The following GALNT13 variants were observed in gnomAD, a reference collection of about 807,000 sequenced individuals.
GALNT13 encodes UDP-GalNAc:polypeptide N-acetylgalactosaminyltransferase 13.
Under a neutral mutation model 64.2 loss-of-function variants are expected in GALNT13, and 28 were observed. The ratio of observed to expected loss-of-function variants is 0.44; its 90% confidence interval spans 0.32 to 0.60. GALNT13 has a LOEUF of 0.60. Ranked by LOEUF, GALNT13 falls within the 20% of genes least tolerant of loss-of-function variation. GALNT13 has a pLI of 0.05. For synonymous variants in GALNT13, 214 were observed against 224.6 expected (o/e 0.95, Z 0.42); for missense variants, 577 against 669.8 (o/e 0.86, Z 1.53).
intron 8 of GALNT13, among the ~76,000 whole-genome samples, chr2:154,292,496 A>C (rs1042043909): frequency 1.3e-5 from 2 of 152,168 alleles, no homozygotes; most frequent in Admixed American, 1.3e-4. Flanking sequence ...CTTAATCCTC[A>C]TAACAATATT....
At chr2:153,177,793 T>C in the GALNT13 span, among the ~76,000 whole-genome samples, 1 of 152,136 alleles carries the variant, frequency 6.6e-6, no homozygotes, top group African/African-American at 2.4e-5. Context: ...TTGATTACAC[T>C]GTATAATTTA....
chr2:154,338,867 T>G (rs1171002036), intron 9 of GALNT13, among the ~76,000 whole-genome samples: 1 of 152,050 alleles, frequency 6.6e-6, no homozygotes, highest in Non-Finnish European at 1.5e-5. Flanking sequence ...TTGTCTACTA[T>G]ATCTAGGAAT....
the GALNT13 span, among the ~76,000 whole-genome samples, chr2:153,239,076 GTATTT>G: frequency 3.5e-4 from 53 of 151,752 alleles, no homozygotes; most frequent in African/African-American, 1.2e-3. Flanking sequence ...TTATTCCTAG[GTATTT>G]TATTTTATTT....
At chr2:154,065,462 A>G (rs10181158) in intron 3 of GALNT13, among the ~76,000 whole-genome samples, 57,162 of 152,048 alleles carry the variant, frequency 0.38, 11,250 homozygotes, top group Middle Eastern at 0.6. Context: ...GACCCAATAC[A>G]TTGCCAGTGG....
intron 11 of GALNT13, among the ~76,000 whole-genome samples, chr2:154,428,525 C>T (rs1700566713): frequency 6.6e-6 from 1 of 152,040 alleles, no homozygotes; most frequent in African/African-American, 2.4e-5. Context: ...AAAAATAAAA[C>T]AAAAATGAAT....
the GALNT13 span, among the ~76,000 whole-genome samples, chr2:153,694,521 G>A: frequency 1.3e-5 from 2 of 152,152 alleles, no homozygotes; most frequent in Non-Finnish European, 2.9e-5. Flanking sequence ...CAGGACATAT[G>A]TATGATTCAA....
chr2:153,894,643 T>G (rs1299703175), intron 1 of GALNT13, among the ~76,000 whole-genome samples: 1 of 152,062 alleles, frequency 6.6e-6, no homozygotes, highest in African/African-American at 2.4e-5. Flanking sequence ...ATTAATCAGT[T>G]TGCTTTGATA....
the GALNT13 span, among the ~76,000 whole-genome samples, chr2:153,719,180 G>C: frequency 4.1e-3 from 622 of 152,258 alleles, 7 homozygotes; most frequent in African/African-American, 0.014. Flanking sequence ...AAGAAGCTGA[G>C]GATGTGTAGC....
chr2:153,889,428 C>T (rs550776542), intron 1 of GALNT13, among the ~76,000 whole-genome samples: 4 of 151,744 alleles, frequency 2.6e-5, no homozygotes, highest in South Asian at 4.1e-4. Flanking sequence ...CCTTCCTCAC[C>T]CCACACTAAC....
chr2:154,112,700 C>G (rs1703055623), intron 3 of GALNT13, among the ~76,000 whole-genome samples: 1 of 152,192 alleles, frequency 6.6e-6, no homozygotes. Context: ...TTCCCTTCAC[C>G]ACTGTCCTTC....
the GALNT13 span, among the ~76,000 whole-genome samples, chr2:153,371,737 A>C: frequency 6.6e-6 from 1 of 152,218 alleles, no homozygotes; most frequent in African/African-American, 2.4e-5. Flanking sequence ...GATTGAAAAA[A>C]TTAATTCTAA....
At chr2:153,137,125 G>A in the GALNT13 span, among the ~76,000 whole-genome samples, 1 of 152,020 alleles carries the variant, frequency 6.6e-6, no homozygotes, top group South Asian at 2.1e-4. Context: ...ATAATTGCAG[G>A]GATGGAAGAA....
At chr2:153,447,146 G>A in the GALNT13 span, among the ~76,000 whole-genome samples, 1 of 152,132 alleles carries the variant, frequency 6.6e-6, no homozygotes, top group Non-Finnish European at 1.5e-5. Context: ...AACTGCAAGC[G>A]TAAACATAAA....
intron 9 of GALNT13, among the ~76,000 whole-genome samples, chr2:154,389,279 GCACCCAC>G (rs1332525462): frequency 6.6e-6 from 1 of 151,982 alleles, no homozygotes; most frequent in Admixed American, 6.5e-5. Flanking sequence ...GGGATTACAG[GCACCCAC>G]CACAACTGGC....
the GALNT13 span, among the ~76,000 whole-genome samples, chr2:153,140,126 A>C: frequency 6.6e-6 from 1 of 152,098 alleles, no homozygotes. Flanking sequence ...GCCAGATTTG[A>C]AGTAAACAAT....
At chr2:153,362,195 T>TG in the GALNT13 span, among the ~76,000 whole-genome samples, 4 of 152,276 alleles carry the variant, frequency 2.6e-5, no homozygotes, top group East Asian at 7.7e-4. Flanking sequence ...CCACCAGGCC[T>TG]GCCTTGCAAG....
intron 1 of GALNT13, among the ~76,000 whole-genome samples, chr2:153,893,447 T>C (rs1307898657): frequency 6.6e-6 from 1 of 151,966 alleles, no homozygotes; most frequent in Non-Finnish European, 1.5e-5. Context: ...ATTTGGAAAA[T>C]TAGAAAAAAT....
At chr2:153,316,639 C>CAAA in the GALNT13 span, among the ~76,000 whole-genome samples, 3 of 69,856 alleles carry the variant, frequency 4.3e-5, no homozygotes, top group South Asian at 1.2e-3. Context: ...GACTCCGTCT[C>CAAA]AAAAAAAAAA....
chr2:153,424,248 T>C, the GALNT13 span, among the ~76,000 whole-genome samples: 1 of 151,174 alleles, frequency 6.6e-6, no homozygotes, highest in African/African-American at 2.4e-5. Flanking sequence ...ATTAGAGGCA[T>C]GAAATGAAAA....
Sources: allele counts gnomAD v4.1 joint callset (sites outside exome capture counted in the v4.1 genomes callset), GRCh38; gene constraint gnomAD v4.1.1; transcripts MANE v1.5; gene names NCBI Gene and HGNC (gene_info 2026-07-23, HGNC 2026-07-21).